The following CHRM5 variants were observed in gnomAD, a reference collection of about 807,000 sequenced individuals.
CHRM5 encodes muscarinic acetylcholine receptor M5.
In CHRM5, 18 loss-of-function variants were observed where a neutral mutation model predicts 39.0. The observed-to-expected ratio is 0.46, with a 90% CI of 0.32 to 0.68. The LOEUF is 0.68. CHRM5 is among the 30% of genes least tolerant of loss of function. CHRM5 has a pLI of 0.04. For synonymous variants in CHRM5, 241 were observed against 246.3 expected, an observed-to-expected ratio of 0.98 and a Z score of 0.20; for missense variants, 515 against 651.1, an observed-to-expected ratio of 0.79 and a Z score of 2.28.
At chr15:34,047,320 G>A (rs35804445) in intron 2 of CHRM5, among the ~76,000 whole-genome samples, 25,013 of 152,014 alleles carry the variant, frequency 0.16, 2,324 homozygotes, top group Middle Eastern at 0.28. Context: ...CTGATGATCC[G>A]CCCGTGTCAG....
intron 1 of CHRM5, among the ~76,000 whole-genome samples, chr15:34,007,246 C>T (rs1457934536): frequency 2.0e-5 from 3 of 152,030 alleles, no homozygotes; most frequent in Non-Finnish European, 4.4e-5. Context: ...TTCCAATAGG[C>T]AAGGGTCATT....
intron 1 of CHRM5, among the ~76,000 whole-genome samples, chr15:34,030,236 AGAGT>A (rs1196409318): frequency 3.3e-5 from 5 of 152,224 alleles, no homozygotes; most frequent in African/African-American, 9.6e-5. Flanking sequence ...CCTGGGTGAC[AGAGT>A]GAGTGAGACT....
At chr15:34,042,639 G>A (rs779480029) in intron 1 of CHRM5, among the ~76,000 whole-genome samples, 18 of 151,832 alleles carry the variant, frequency 1.2e-4, no homozygotes, top group Non-Finnish European at 2.5e-4. Context: ...CCGACCTCAG[G>A]TGATCCATCC....
intron 1 of CHRM5, among the ~76,000 whole-genome samples, chr15:34,010,423 A>C (rs150137306): frequency 1.3e-5 from 2 of 152,302 alleles, no homozygotes; most frequent in East Asian, 1.9e-4. Context: ...AGAAGTTATT[A>C]ATACTAATAA....
At chr15:34,053,299 CAAAAAAAAA>C (rs71454513) in intron 2 of CHRM5, among the ~76,000 whole-genome samples, 1 of 51,540 alleles carries the variant, frequency 1.9e-5, no homozygotes, top group Non-Finnish European at 3.2e-5. Context: ...GACTCCATCT[CAAAAAAAAA>C]AAAAAAAAAA....
chr15:33,972,567 T>C (rs1230043764), intron 1 of CHRM5: 1 of 152,164 alleles, frequency 6.6e-6, no homozygotes, highest in Admixed American at 6.6e-5. Context: ...AGGACTGTCT[T>C]GAATTAGCAA....
intron 1 of CHRM5, among the ~76,000 whole-genome samples, chr15:34,040,921 C>A (rs141185266): frequency 6.6e-6 from 1 of 150,800 alleles, no homozygotes; most frequent in Non-Finnish European, 1.5e-5. Context: ...AAGATTTCAA[C>A]ATGAATTTTG....
chr15:34,060,193 A>C (rs567717013), intron 2 of CHRM5, among the ~76,000 whole-genome samples: 1 of 152,288 alleles, frequency 6.6e-6, no homozygotes, highest in South Asian at 2.1e-4. Context: ...AACTTGAAGA[A>C]TGTTGATAAC....
chr15:34,049,433 G>A (rs1272172562), intron 2 of CHRM5, among the ~76,000 whole-genome samples: 1 of 152,160 alleles, frequency 6.6e-6, no homozygotes, highest in Non-Finnish European at 1.5e-5. Flanking sequence ...GAGCAGAATA[G>A]ACCAGTGGAA....
intron 1 of CHRM5, chr15:34,039,168 G>T: frequency 1.2e-6 from 1 of 840,250 alleles, no homozygotes; most frequent in Non-Finnish European, 1.5e-6. Flanking sequence ...GCAGCGAGGC[G>T]CGGGGTGCGG....
chr15:34,007,159 A>G (rs1186422885), intron 1 of CHRM5: 2 of 473,188 alleles, frequency 4.2e-6, no homozygotes, highest in East Asian at 1.5e-4. Context: ...ATCTTGTCCA[A>G]TGACACACAC....
At chr15:33,992,163 G>C (rs1405235718) in intron 1 of CHRM5, 2 of 152,272 alleles carry the variant, frequency 1.3e-5, no homozygotes, top group Non-Finnish European at 2.9e-5. Flanking sequence ...AAGGCAGGGG[G>C]ATCACGAAGT....
chr15:34,050,640 T>C (rs1899898050), intron 2 of CHRM5, among the ~76,000 whole-genome samples: 1 of 151,720 alleles, frequency 6.6e-6, no homozygotes, highest in African/African-American at 2.4e-5. Flanking sequence ...AGGCTCAAAA[T>C]AAAGGAATGG....
intron 1 of CHRM5, chr15:34,007,044 T>C: frequency 2.0e-6 from 2 of 983,754 alleles, no homozygotes; most frequent in Non-Finnish European, 2.4e-6. Flanking sequence ...TAATAGTTCA[T>C]ACCTGGACAT....
At chr15:34,037,905 TAAG>T (rs1191130155) in intron 1 of CHRM5, among the ~76,000 whole-genome samples, 1 of 152,144 alleles carries the variant, frequency 6.6e-6, no homozygotes, top group Non-Finnish European at 1.5e-5. Flanking sequence ...TCAGTGTGCA[TAAG>T]AATGCAGAAT....
chr15:34,003,501 G>C (rs1179512368), intron 1 of CHRM5, among the ~76,000 whole-genome samples: 3 of 152,168 alleles, frequency 2.0e-5, no homozygotes, highest in Non-Finnish European at 2.9e-5. Flanking sequence ...GCTTCATCCA[G>C]TTGAAATAAT....
rs1453003221 is a variant in CHRM5 at position 33,968,889 on chromosome 15, T to A, written c.-669T>A. On this transcript the variant is annotated 5_prime_UTR_variant, in exon 1 of 3. Transcript: ENST00000383263. ...TTCTCAACACTCAGATTGTTTGTGA[T>A]CAGATCAACTGCTGTTACCAGATAA... 6.6e-6 allele frequency: 1 copy of A among 152,086 alleles called. No homozygotes were observed. The highest frequency in any genetic ancestry group is 2.4e-5 in the African/African-American group (1 of 41,446). 9.4% of individuals were successfully genotyped at this position (152,086 alleles called of 1,614,324 possible).
rs1393161912 is a variant in CHRM5, at chr15:34,067,229, A to G, written c.*2913A>G. ...TTTTCCATTCAATTTTTGGTTGAAC[A>G]AAGCATTTTGTCAATATTCTCAGCT... On this transcript the variant is annotated 3_prime_UTR_variant, in exon 3 of 3. Transcript: ENST00000383263. 6.6e-6 allele frequency: 1 copy of G among 152,250 alleles called. No individual in the cohort carries two copies. Among genetic ancestry groups the G allele is most frequent in the African/African-American group, 2.4e-5 (1 of 41,466 alleles). 9.4% of individuals were successfully genotyped at this position (152,250 alleles called of 1,614,324 possible). A position where few individuals can be genotyped will look rare whatever the true frequency, so the allele number is the denominator to read the frequency against.
At position 34,062,889 on chromosome 15, in the gene CHRM5, A is replaced by C. The variant is rs1900394601; in HGVS notation, c.172A>C (p.Asn58His). Residue 58 changes from asparagine (N) to histidine (H), a missense_variant, in exon 3 of 3, where the codon AAC becomes CAC. Transcript: ENST00000383263. Reference protein sequence around the residue: ...NVLVMISFKVNSQLKTVNNYY... With the variant: ...NVLVMISFKVHSQLKTVNNYY... ...CTTGGTCATGATCTCCTTCAAAGTC[A>C]ACAGCCAGCTCAAGACAGTTAACAA... 6.2e-7 allele frequency: 1 copy of C among 1,614,184 alleles called. No homozygotes were observed.
Sources: allele counts gnomAD v4.1 joint callset (sites outside exome capture counted in the v4.1 genomes callset), GRCh38; gene constraint gnomAD v4.1.1; transcripts MANE v1.5; gene names NCBI Gene and HGNC (gene_info 2026-07-23, HGNC 2026-07-21).